RSPO1: variants seen among roughly 807,000 people sequenced by gnomAD.
The protein encoded by RSPO1 is R-spondin-1.
A neutral mutation model predicts 26.0 loss-of-function variants in RSPO1; 18 were observed. That is an observed-to-expected ratio of 0.69 (90% confidence interval 0.48 to 1.03). The LOEUF is 1.03. Among genes scored for constraint, RSPO1 ranks in the 50% least tolerant of loss-of-function variants. The probability of loss-of-function intolerance (pLI) is 0.00; values close to 1 mark genes in which losing one functional copy is unlikely to be tolerated. For synonymous variants in RSPO1, 133 were observed against 137.4 expected (o/e 0.97, Z 0.22); for missense variants, 309 against 352.3 (o/e 0.88, Z 0.98).
At chr1:37,616,707 C>CCTCTA in intron 3 of RSPO1, 32 bp from the exon 4 acceptor site, 1 of 1,600,896 alleles carries the variant, frequency 6.2e-7, no homozygotes, top group Non-Finnish European at 8.6e-7. Flanking sequence ...GAGAAGGCGG[C>CCTCTA]TGTGGAGAGA....
chr1:37,622,373 CT>C (rs1644215510), intron 3 of RSPO1, among the ~76,000 whole-genome samples: 1 of 152,154 alleles, frequency 6.6e-6, no homozygotes, highest in Non-Finnish European at 1.5e-5. Flanking sequence ...AAGAAGTTGA[CT>C]GTTGGCTGGC....
chr1:37,614,060 A>T, intron 5 of RSPO1, 124 bp downstream of exon 5: 2 of 1,329,312 alleles, frequency 1.5e-6, no homozygotes, highest in Non-Finnish European at 2.1e-6. Flanking sequence ...AGACTCAGAA[A>T]GGAGTGGTAG....
intron 3 of RSPO1, among the ~76,000 whole-genome samples, chr1:37,622,254 C>G (rs1053571204): frequency 6.6e-6 from 1 of 152,126 alleles, no homozygotes; most frequent in African/African-American, 2.4e-5. Context: ...GTGGTGGCGA[C>G]CTGGTAAGTG....
intron 3 of RSPO1, among the ~76,000 whole-genome samples, chr1:37,619,135 A>G (rs573599890): frequency 1.3e-5 from 2 of 152,226 alleles, no homozygotes; most frequent in African/African-American, 4.8e-5. Flanking sequence ...AGGCAGGAGA[A>G]TCACTTGAAC....
Position 37,612,510 on chromosome 1 carries a change from G to T in RSPO1, c.*245C>A. 1.7e-6 allele frequency: 1 copy of T among 586,810 alleles called. No homozygotes were observed. Among genetic ancestry groups the T allele is most frequent in the South Asian group, 1.9e-5 (1 of 51,742 alleles). The allele number at this position is 586,810 out of a possible 1,614,324, so 36.4% of individuals were successfully genotyped here. ...TTCTGGTGGCCTCAGGTGTGTGTGT[G>T]TGTGTGTGTGTATGTGTGTGTGTGG... On this transcript the variant is annotated 3_prime_UTR_variant, in exon 7 of 7. Coordinates refer to ENST00000356545, the MANE Select transcript of RSPO1 (RefSeq NM_001242908.2).
At chr1:37,632,754 G>A (rs752632420) in intron 1 of RSPO1, among the ~76,000 whole-genome samples, 24 of 152,196 alleles carry the variant, frequency 1.6e-4, no homozygotes, top group Non-Finnish European at 2.8e-4. Flanking sequence ...TGCCTCAGTG[G>A]CTCCACATTC....
chr1:37,628,894 CA>C (rs781558635), intron 3 of RSPO1, among the ~76,000 whole-genome samples: 19 of 152,200 alleles, frequency 1.2e-4, no homozygotes, highest in Non-Finnish European at 2.1e-4. Flanking sequence ...CCCTCTCTTC[CA>C]ACGACTTCTT....
rs10437321 is a variant in RSPO1 at position 37,612,524 on chromosome 1, G to A, written c.*231C>T. On this transcript the variant is annotated 3_prime_UTR_variant, in exon 7 of 7. Coordinates refer to ENST00000356545, the MANE Select transcript of RSPO1 (RefSeq NM_001242908.2). ...GGTGTGTGTGTGTGTGTGTGTGTATGTGTGTGTGTGGTGTCTGTGTCTGCG... is the reference window on the plus strand; with the variant it reads ...GGTGTGTGTGTGTGTGTGTGTGTATATGTGTGTGTGGTGTCTGTGTCTGCG... 4.8e-5 allele frequency: 25 copies of A among 517,442 alleles called. No homozygotes were observed. The highest frequency in any genetic ancestry group is 1.7e-4 in the East Asian group (5 of 29,104). 32.1% of individuals were successfully genotyped at this position (517,442 alleles called of 1,614,324 possible). A position where few individuals can be genotyped will look rare whatever the true frequency, so the allele number is the denominator to read the frequency against.
At chr1:37,620,598 C>G (rs1474865488) in intron 3 of RSPO1, among the ~76,000 whole-genome samples, 2 of 151,224 alleles carry the variant, frequency 1.3e-5, no homozygotes, top group African/African-American at 4.9e-5. Context: ...CTCTGCACTC[C>G]AGTCTAGGTG....
At chr1:37,623,184 G>A (rs933637126) in intron 3 of RSPO1, among the ~76,000 whole-genome samples, 1 of 146,814 alleles carries the variant, frequency 6.8e-6, no homozygotes, top group Non-Finnish European at 1.5e-5. Context: ...TATCAAGGGG[G>A]ACAGGAAGCA....
At position 37,629,822 on chromosome 1, in the gene RSPO1, G is replaced by A; in HGVS notation, c.-161C>T. 1.3e-6 allele frequency: 2 copies of A among 1,551,050 alleles called. No homozygotes were observed. The highest frequency in any genetic ancestry group is 1.7e-6 in the Non-Finnish European group (2 of 1,146,728). ...ATAATCTCAGCTGGGGACAGAGAGG[G>A]TGTGGGGAGCCCAGTTCTCCATCAG... On this transcript the variant is annotated 5_prime_UTR_variant, in exon 3 of 7. Coordinates refer to ENST00000356545, the MANE Select transcript of RSPO1 (RefSeq NM_001242908.2).
At chr1:37,614,373 G>A in intron 4 of RSPO1, 40 bp from the exon 5 acceptor site, 1 of 1,612,030 alleles carries the variant, frequency 6.2e-7, no homozygotes, top group Non-Finnish European at 8.5e-7. Context: ...GCCCAGCCTG[G>A]TGAGAATGTT....
In RSPO1 at chr1:37,634,035, A is replaced by G. The variant is rs565029094; in HGVS notation, c.-356+531T>C. 5.9e-5 allele frequency among the ~76,000 whole-genome samples: 9 copies of G among 152,138 alleles called. No homozygotes were observed. In the South Asian group the frequency reaches 1.5e-3, roughly 25 times the overall value. On this transcript the variant is annotated intron_variant, in intron 1 of 6. Transcript: ENST00000356545. The surrounding 1 kb of genome is among the most constrained non-coding windows in gnomAD (Gnocchi z 4.7). Reference sequence around the variant, plus strand: ...CGAACATAGCCCCCACCTCTCCCCAACTAAGCGATACCATCGGTTCCTGAG... The same window carrying G: ...CGAACATAGCCCCCACCTCTCCCCAGCTAAGCGATACCATCGGTTCCTGAG...
rs1366693066 is a variant in RSPO1, at chr1:37,614,017, T to C, written c.437-125A>G. ...TTCTGCCTGGACCTGAGGCTGCAGG[T>C]ATCTTTAGTCCAGAGGGCAGAAAAG... On this transcript the variant is annotated intron_variant, in intron 5 of 6. Transcript: ENST00000356545. 3.0e-6 allele frequency: 4 copies of C among 1,336,452 alleles called. No homozygotes were observed. In the East Asian group the frequency reaches 9.6e-5, roughly 32 times the overall value. The allele number at this position is 1,336,452 out of a possible 1,614,324, so 82.8% of individuals were successfully genotyped here.
At chr1:37,615,675 C>G (rs2148161662) in intron 4 of RSPO1, among the ~76,000 whole-genome samples, 1 of 152,370 alleles carries the variant, frequency 6.6e-6, no homozygotes. Flanking sequence ...GGGGCACTGG[C>G]ATTGTCCCCC....
chr1:37,616,138 G>A (rs2148162271), intron 4 of RSPO1, among the ~76,000 whole-genome samples: 1 of 152,272 alleles, frequency 6.6e-6, no homozygotes, highest in Non-Finnish European at 1.5e-5. Flanking sequence ...GGAGCCTGGG[G>A]AGGACAGTGG....
chr1:37,619,177 C>T (rs148224781), intron 3 of RSPO1, among the ~76,000 whole-genome samples: 53 of 152,264 alleles, frequency 3.5e-4, no homozygotes, highest in African/African-American at 1.2e-3. Context: ...GAGCTGAGAT[C>T]GTGCCACTGC....
intron 3 of RSPO1, among the ~76,000 whole-genome samples, chr1:37,629,095 A>G (rs1053533873): frequency 3.3e-5 from 5 of 152,206 alleles, no homozygotes; most frequent in African/African-American, 9.6e-5. Context: ...TTCCTGCCCT[A>G]TGATCTGGGC....
At chr1:37,616,745 A>T (rs534913051) in intron 3 of RSPO1, 70 bp from the exon 4 acceptor site, 1 of 1,364,336 alleles carries the variant, frequency 7.3e-7, no homozygotes, top group East Asian at 2.3e-5. Context: ...TCTGACAAGG[A>T]TGGGAAGTGA....
Sources: gnomAD v4.1 joint callset for allele counts (sites outside exome capture counted in the v4.1 genomes callset) on GRCh38, gnomAD v4.1.1 for gene constraint, Gnocchi (gnomAD v3.1) non-coding constraint, MANE v1.5 for transcripts, NCBI Gene and HGNC (gene_info 2026-07-23, HGNC 2026-07-21) for gene names.